The following SLC14A2 variants were observed in gnomAD, a reference collection of about 807,000 sequenced individuals.
The protein encoded by SLC14A2 is urea transporter 2.
Under a neutral mutation model 104.6 loss-of-function variants are expected in SLC14A2, and 91 were observed. The ratio of observed to expected loss-of-function variants is 0.87; its 90% confidence interval spans 0.73 to 1.04. The LOEUF (loss-of-function observed/expected upper bound fraction) is 1.04, where lower values mean the gene tolerates loss of function less well. SLC14A2 is among the 50% of genes least tolerant of loss of function. The pLI is 0.00. For synonymous variants in SLC14A2, 476 were observed against 466.4 expected (o/e 1.02, Z -0.27); for missense variants, 1,189 against 1,156.0 (o/e 1.03, Z -0.41).
intron 1 of SLC14A2, among the ~76,000 whole-genome samples, chr18:45,411,287 G>A (rs2362839): frequency 0.57 from 87,293 of 152,018 alleles, 25,240 homozygotes; most frequent in Admixed American, 0.65. Context: ...ATTTAGCCTG[G>A]TAATCTCACC....
At chr18:45,252,991 T>C (rs1055748592) in intron 1 of SLC14A2, among the ~76,000 whole-genome samples, 1 of 152,116 alleles carries the variant, frequency 6.6e-6, no homozygotes, top group Non-Finnish European at 1.5e-5. Context: ...AAGATGGATG[T>C]TGGGGTGCTC....
intron 4 of SLC14A2, among the ~76,000 whole-genome samples, 191 bp from the exon 5 acceptor site, chr18:45,632,159 G>A (rs886358091): frequency 1.3e-5 from 2 of 151,982 alleles, no homozygotes; most frequent in Non-Finnish European, 2.9e-5. Flanking sequence ...GTGTGTGTGT[G>A]TGTGTGTGTG....
chr18:45,366,416 A>G (rs763510893), intron 1 of SLC14A2, among the ~76,000 whole-genome samples: 10 of 152,144 alleles, frequency 6.6e-5, no homozygotes, highest in Non-Finnish European at 1.0e-4. Flanking sequence ...CAGAGAGACA[A>G]AGGCACCAGT....
intron 10 of SLC14A2, among the ~76,000 whole-genome samples, chr18:45,653,545 T>C (rs1341571695): frequency 6.6e-6 from 1 of 152,068 alleles, no homozygotes; most frequent in African/African-American, 2.4e-5. Context: ...AAACAAAACA[T>C]GTTTGGATTG....
At chr18:45,543,925 C>T (rs1391556258) in intron 2 of SLC14A2, among the ~76,000 whole-genome samples, 2 of 152,198 alleles carry the variant, frequency 1.3e-5, no homozygotes, top group African/African-American at 2.4e-5. Context: ...CAAAGGGTGG[C>T]TATGAGGCCA....
At chr18:45,202,703 G>A in the SLC14A2 span, among the ~76,000 whole-genome samples, 2,836 of 152,118 alleles carry the variant, frequency 0.019, 105 homozygotes, top group African/African-American at 0.064. Flanking sequence ...GATTCTATGG[G>A]AAGTGGTTCT....
At chr18:45,472,879 A>T (rs1859969806) in intron 1 of SLC14A2, among the ~76,000 whole-genome samples, 2 of 152,066 alleles carry the variant, frequency 1.3e-5, no homozygotes, top group Non-Finnish European at 2.9e-5. Context: ...TCTTTAATTT[A>T]ATTAGATCCC....
chr18:45,565,539 T>A (rs2044254929), intron 2 of SLC14A2, among the ~76,000 whole-genome samples: 1 of 152,012 alleles, frequency 6.6e-6, no homozygotes, highest in African/African-American at 2.4e-5. Context: ...GCAGGAGAAA[T>A]GGGCTGGCGT....
the SLC14A2 span, among the ~76,000 whole-genome samples, chr18:45,179,711 AG>A: frequency 2.6e-4 from 39 of 152,314 alleles, no homozygotes; most frequent in East Asian, 7.3e-3. Context: ...TCATAAATGA[AG>A]TAAAAACCAT....
At chr18:45,593,486 CT>C (rs1172271684) in intron 2 of SLC14A2, among the ~76,000 whole-genome samples, 3,886 of 88,596 alleles carry the variant, frequency 0.044, 70 homozygotes, top group African/African-American at 0.14. Flanking sequence ...TTTCCTTAAT[CT>C]TTTTTTTTTT....
chr18:45,366,982 A>C (rs892522636), intron 1 of SLC14A2, among the ~76,000 whole-genome samples: 2 of 152,204 alleles, frequency 1.3e-5, no homozygotes, highest in African/African-American at 4.8e-5. Context: ...GAGGCCTTAC[A>C]CACAGAGACA....
chr18:45,332,640 T>C (rs758699921), intron 1 of SLC14A2, among the ~76,000 whole-genome samples: 9 of 152,100 alleles, frequency 5.9e-5, no homozygotes, highest in Non-Finnish European at 1.0e-4. Context: ...TACATAACCA[T>C]ACATCAAAGA....
At chr18:45,494,685 G>A (rs1225555811) in intron 2 of SLC14A2, among the ~76,000 whole-genome samples, 1 of 151,960 alleles carries the variant, frequency 6.6e-6, no homozygotes, top group Non-Finnish European at 1.5e-5. Flanking sequence ...TTACAGGTGT[G>A]AGCCACTGTG....
chr18:45,524,502 G>A (rs1268732161), intron 2 of SLC14A2, among the ~76,000 whole-genome samples: 14 of 152,170 alleles, frequency 9.2e-5, no homozygotes, highest in African/African-American at 3.4e-4. Context: ...GGAAGGGTTG[G>A]ACACTGGCCT....
chr18:45,171,243 C>T, the SLC14A2 span, among the ~76,000 whole-genome samples: 28 of 151,984 alleles, frequency 1.8e-4, no homozygotes, highest in Admixed American at 2.6e-4. Flanking sequence ...GGGTGTCCTG[C>T]ATTTTCTCTG....
At chr18:45,680,898 C>T (rs2046301729) in intron 19 of SLC14A2, among the ~76,000 whole-genome samples, 1 of 152,180 alleles carries the variant, frequency 6.6e-6, no homozygotes, top group Admixed American at 6.5e-5. Flanking sequence ...GGAAGACTCG[C>T]TGAATGGAAC....
intron 2 of SLC14A2, among the ~76,000 whole-genome samples, chr18:45,551,529 T>C (rs1053200696): frequency 1.3e-5 from 2 of 152,184 alleles, no homozygotes; most frequent in African/African-American, 4.8e-5. Flanking sequence ...GGGCCGGCCC[T>C]CGATGTCAGT....
At chr18:45,434,325 A>C (rs971137688) in intron 1 of SLC14A2, among the ~76,000 whole-genome samples, 11 of 152,232 alleles carry the variant, frequency 7.2e-5, no homozygotes, top group Admixed American at 5.9e-4. Flanking sequence ...CAATGATATA[A>C]GACACTGTCA....
chr18:45,628,442 CAA>C (rs59400362), intron 4 of SLC14A2, among the ~76,000 whole-genome samples: 3,990 of 124,298 alleles, frequency 0.032, 150 homozygotes, highest in African/African-American at 0.1. Flanking sequence ...GACTCTGCCT[CAA>C]AAAAAAAAAA....
Sources: gnomAD v4.1 joint callset for allele counts (sites outside exome capture counted in the v4.1 genomes callset) on GRCh38, gnomAD v4.1.1 for gene constraint, MANE v1.5 for transcripts, NCBI Gene and HGNC (gene_info 2026-07-23, HGNC 2026-07-21) for gene names.